The following VIRMA variants were observed in gnomAD, a reference collection of about 807,000 sequenced individuals.
VIRMA encodes protein virilizer homolog.
VIRMA carries 65 observed loss-of-function variants against 182.4 expected under a neutral mutation model. The ratio of observed to expected loss-of-function variants is 0.36; its 90% confidence interval spans 0.29 to 0.44. The LOEUF is 0.44. Ranked by LOEUF, VIRMA falls within the 20% of genes least tolerant of loss-of-function variation. VIRMA has a pLI of 1.00. For synonymous variants in VIRMA, 709 were observed against 743.1 expected, an observed-to-expected ratio of 0.95 and a Z score of 0.75; for missense variants, 1,752 against 2,158.1, an observed-to-expected ratio of 0.81 and a Z score of 3.73.
intron 23 of VIRMA, 80 bp downstream of exon 23, chr8:94,489,859 C>T (rs1368678122): frequency 6.8e-7 from 1 of 1,470,994 alleles, no homozygotes; most frequent in Non-Finnish European, 9.3e-7. Context: ...CCCTAGCCCC[C>T]TCTGTATATG....
At chr8:94,510,922 G>C in intron 13 of VIRMA, 2 of 1,225,876 alleles carry the variant, frequency 1.6e-6, no homozygotes, top group South Asian at 3.7e-5. Flanking sequence ...GTGGGGGAAA[G>C]GATTTAAAAT....
At chr8:94,489,882 T>G in intron 23 of VIRMA, 57 bp downstream of exon 23, 1 of 1,575,804 alleles carries the variant, frequency 6.3e-7, no homozygotes, top group Non-Finnish European at 8.6e-7. Flanking sequence ...ATCAACAATT[T>G]TAAAGGAGGA....
rs776471562 is a variant in VIRMA at position 94,512,000 on chromosome 8, A to G, written c.2841T>C (p.Val947=). The part of the protein sequence containing the change: ...LCNVACPPPP[V]EGQQKDLKWN... ...AAAATACAGTAGCCACATTACCTTC[A>G]ACAGGAGGTGGTGGGCATGCAACAT... is the stretch of plus-strand genomic sequence containing the variant. Residue 947 remains valine, a synonymous_variant, in exon 12 of 24, where the codon GTT becomes GTC. Transcript: ENST00000297591. 4 of 1,519,130 alleles carry G rather than the reference A, an allele frequency of 2.6e-6. No homozygotes were observed. In the Admixed American group the frequency reaches 5.7e-5, roughly 22 times the overall value. 94.1% of individuals were successfully genotyped at this position (1,519,130 alleles called of 1,614,324 possible).
Position 94,530,272 on chromosome 8 carries a change from G to C in VIRMA, c.607+691C>G, listed in dbSNP as rs527928934. Among the ~76,000 whole-genome samples, 18 of 152,142 alleles carry C rather than the reference G, an allele frequency of 1.2e-4. No homozygotes were observed. The East Asian group carries it at 1.5e-3, about 13-fold the overall frequency. On this transcript the variant is annotated intron_variant, in intron 6 of 23. Transcript: ENST00000297591. ...TCACACCTGTAAATCCCAAAACTGT[G>C]GGGGGCCAAGGCGGGAGGATCACTT...
chr8:94,499,029 C>T (rs554398507), intron 17 of VIRMA: 35 of 154,460 alleles, frequency 2.3e-4, no homozygotes, highest in South Asian at 2.2e-3. Context: ...TGCAGTGAGC[C>T]GAGATTGTGC....
chr8:94,500,878 A>T (rs1813951796), intron 16 of VIRMA, among the ~76,000 whole-genome samples: 1 of 152,038 alleles, frequency 6.6e-6, no homozygotes, highest in South Asian at 2.1e-4. Flanking sequence ...GAACTACATG[A>T]CTCTAAGCAT....
chr8:94,542,044 G>A (rs758111632), intron 2 of VIRMA, among the ~76,000 whole-genome samples: 2 of 152,150 alleles, frequency 1.3e-5, no homozygotes, highest in South Asian at 2.1e-4. Context: ...GCTAATTGCC[G>A]AAATCCAGTT....
chr8:94,490,103 C>CA (rs761695318), intron 22 of VIRMA, 21 bp from the exon 23 acceptor site: 114 of 1,577,910 alleles, frequency 7.2e-5, no homozygotes, highest in Non-Finnish European at 9.5e-5. Context: ...ACAGCACAAT[C>CA]AAAATCACTT....
rs768040411 is a variant in VIRMA, at chr8:94,529,286, A to T, written c.664T>A (p.Ser222Thr). ...PHREDYFEPI[S>T]PDRNSVPQEG... ...TGGGGAACAGAATTCCGATCAGGAG[A>T]AATGGGCTCAAAGTAATCTTCTCTA... The change falls in exon 7 of 24, where the codon TCT becomes ACT. Residue 222 changes from serine to threonine, a missense_variant. This residue lies in a region of VIRMA where 114 missense variants were observed against 106.9 expected (regional missense o/e 1.07). Coordinates refer to ENST00000297591, the MANE Select transcript of VIRMA (RefSeq NM_015496.5). 6.2e-7 allele frequency: 1 copy of T among 1,613,118 alleles called. No homozygotes were observed. Among genetic ancestry groups the T allele is most frequent in the South Asian group, 1.1e-5 (1 of 91,054 alleles).
chr8:94,495,081 G>A (rs1042000961), intron 19 of VIRMA, 125 bp from the exon 20 acceptor site: 4 of 704,352 alleles, frequency 5.7e-6, no homozygotes, highest in Admixed American at 4.7e-5. Flanking sequence ...GTTCACTGCA[G>A]CCTTGATCTC....
chr8:94,526,129 G>A, intron 8 of VIRMA, 94 bp downstream of exon 8: 5 of 911,546 alleles, frequency 5.5e-6, no homozygotes, highest in Non-Finnish European at 8.5e-6. Context: ...ACATAAATAA[G>A]TTACCTACAA....
At position 94,511,468 on chromosome 8, in the gene VIRMA, G is replaced by A. The variant is rs773268386; in HGVS notation, c.3107C>T (p.Ala1036Val). 2.2e-5 allele frequency: 36 copies of A among 1,613,996 alleles called. No individual in the cohort carries two copies. The highest frequency in any genetic ancestry group is 6.7e-5 in the African/African-American group (5 of 74,906). ...CAGGAGCATATGTAAAGTAACAAGC[G>A]CTGAAGGAACACGCATGTCCTTAAA... ...FEFKDMRVPSALVTLHMLLCS... is the reference protein window; with the variant it reads ...FEFKDMRVPSVLVTLHMLLCS... The change falls in exon 13 of 24, where the codon GCG (alanine) becomes GTG (valine). Residue 1036 changes from alanine to valine, a missense_variant. By Grantham distance (64) the Ala-to-Val change is moderately conservative. Transcript: ENST00000297591.
chr8:94,530,880 AAC>A, intron 6 of VIRMA, 81 bp downstream of exon 6: 1 of 1,470,732 alleles, frequency 6.8e-7, no homozygotes, highest in Non-Finnish European at 9.1e-7. Flanking sequence ...CACCCTGGGC[AAC>A]AGAGTGAGAC....
At chr8:94,504,372 G>A (rs902924291) in intron 16 of VIRMA, among the ~76,000 whole-genome samples, 1 of 151,940 alleles carries the variant, frequency 6.6e-6, no homozygotes, top group Non-Finnish European at 1.5e-5. Flanking sequence ...CCTCAGAGCT[G>A]TTTCTCAGAC....
intron 6 of VIRMA, among the ~76,000 whole-genome samples, chr8:94,530,754 T>C (rs146870188): frequency 2.6e-5 from 4 of 152,178 alleles, no homozygotes; most frequent in Non-Finnish European, 4.4e-5. Flanking sequence ...TCTACAGATA[T>C]TTTAAAAATT....
In VIRMA at chr8:94,526,547, ATC is replaced by A; in HGVS notation, c.1695_1696del (p.Glu565AspfsTer2). 1.2e-6 allele frequency: 2 copies of A among 1,612,892 alleles called. No homozygotes were observed. Among genetic ancestry groups the A allele is most frequent in the Non-Finnish European group, 1.7e-6 (2 of 1,179,758 alleles). ...TGCTAAATGGTCACCAAGTCTTTTA[ATC>A]TCTGACAAGACTTCATAGAAATGGC... On this transcript the variant is annotated frameshift_variant, in exon 8 of 24. Transcript: ENST00000297591. LOFTEE classifies it high-confidence loss of function.
intron 23 of VIRMA, 84 bp downstream of exon 23, chr8:94,489,855 C>A (rs1383556766): frequency 3.5e-6 from 5 of 1,440,606 alleles, no homozygotes; most frequent in African/African-American, 1.4e-5. Context: ...GCACCCCTAG[C>A]CCCCTCTGTA....
chr8:94,534,641 C>T (rs1815274251), intron 5 of VIRMA, among the ~76,000 whole-genome samples, 198 bp downstream of exon 5: 1 of 151,286 alleles, frequency 6.6e-6, no homozygotes, highest in Non-Finnish European at 1.5e-5. Flanking sequence ...TCCTATCTCC[C>T]CCTCTTCCTC....
At chr8:94,539,854 G>A (rs1449049870) in intron 2 of VIRMA, among the ~76,000 whole-genome samples, 1 of 152,130 alleles carries the variant, frequency 6.6e-6, no homozygotes, top group East Asian at 1.9e-4. Flanking sequence ...TAGTTACTGT[G>A]ACAGTAGGCT....
Sources: gnomAD v4.1 joint callset for allele counts (sites outside exome capture counted in the v4.1 genomes callset) on GRCh38, gnomAD v4.1.1 for gene constraint, gnomAD v4.1.1 regional missense constraint, MANE v1.5 for transcripts, NCBI Gene and HGNC (gene_info 2026-07-23, HGNC 2026-07-21) for gene names.